SYNE3: variants seen among roughly 807,000 people sequenced by gnomAD.
The protein encoded by SYNE3 is nesprin-3.
In SYNE3, 100 loss-of-function variants were observed where a neutral mutation model predicts 111.2. The observed-to-expected ratio is 0.90, with a 90% CI of 0.77 to 1.06. The LOEUF is 1.06. Ranked by LOEUF, SYNE3 falls within the 50% of genes least tolerant of loss-of-function variation. The pLI, the probability that SYNE3 is intolerant of heterozygous loss-of-function variation, is 0.00. For missense variants in SYNE3, 1,160 were observed against 1,240.3 expected, an observed-to-expected ratio of 0.94 and a Z score of 0.97; for synonymous variants, 547 against 533.9, an observed-to-expected ratio of 1.02 and a Z score of -0.34.
intron 17 of SYNE3, among the ~76,000 whole-genome samples, chr14:95,428,490 C>T (rs902059076): frequency 6.6e-5 from 10 of 152,188 alleles, no homozygotes; most frequent in Non-Finnish European, 1.2e-4. Flanking sequence ...TGTCAGGTCA[C>T]ACAACATCTG....
chr14:95,476,811 G>C (rs1392812342), intron 1 of SYNE3, among the ~76,000 whole-genome samples: 4 of 152,114 alleles, frequency 2.6e-5, no homozygotes, highest in African/African-American at 4.8e-5. Context: ...GCCCAGAATG[G>C]GTATAAAGTT....
In SYNE3 at chr14:95,417,719, C is replaced by A; in HGVS notation, c.*107G>T. The A allele has an allele frequency of 8.6e-7, 1 of 1,164,622 alleles. No individual in the cohort carries two copies. Among genetic ancestry groups the A allele is most frequent in the Non-Finnish European group, 1.3e-6 (1 of 775,602 alleles). The allele number at this position is 1,164,622 out of a possible 1,614,324, so 72.1% of individuals were successfully genotyped here. A position where few individuals can be genotyped will look rare whatever the true frequency, so the allele number is the denominator to read the frequency against. On this transcript the variant is annotated 3_prime_UTR_variant, in exon 18 of 18. Coordinates refer to ENST00000682763, the MANE Select transcript of SYNE3 (RefSeq NM_152592.6). Reference sequence around the variant, plus strand: ...CAGCACTGATATGGATGCAGCTCTGCAGTCTTTGCCCTGCCCCTGTTTCCA... The same window carrying A: ...CAGCACTGATATGGATGCAGCTCTGAAGTCTTTGCCCTGCCCCTGTTTCCA...
Position 95,410,125 on chromosome 14 carries a change from C to T in SYNE3, c.*7701G>A, listed in dbSNP as rs1044729417. On this transcript the variant is annotated 3_prime_UTR_variant, in exon 18 of 18. Coordinates refer to ENST00000682763, the MANE Select transcript of SYNE3 (RefSeq NM_152592.6). ...CTGGGCAGATCTATTTGTCGGTTCC[C>T]AAGCCTTGCAGGAAGAATGTCTACA... is the stretch of plus-strand genomic sequence containing the variant. 1.6e-4 allele frequency: 24 copies of T among 152,788 alleles called. No individual in the cohort carries two copies. The highest frequency in any genetic ancestry group is 5.3e-4 in the African/African-American group (22 of 41,456). The allele number at this position is 152,788 out of a possible 1,614,324, so 9.5% of individuals were successfully genotyped here.
At chr14:95,420,737 C>T (rs1424809746) in intron 17 of SYNE3, among the ~76,000 whole-genome samples, 2 of 151,192 alleles carry the variant, frequency 1.3e-5, no homozygotes, top group Non-Finnish European at 2.9e-5. Context: ...CATACACACA[C>T]ACACAGACAC....
intron 1 of SYNE3, among the ~76,000 whole-genome samples, chr14:95,508,988 C>A (rs922531291): frequency 6.6e-6 from 1 of 152,218 alleles, no homozygotes; most frequent in Non-Finnish European, 1.5e-5. Context: ...TATTTTAAAG[C>A]CTTTTAATTT....
chr14:95,459,633 C>G, intron 4 of SYNE3, among the ~76,000 whole-genome samples: 1 of 152,130 alleles, frequency 6.6e-6, no homozygotes. Flanking sequence ...TCTGAAAAAC[C>G]CCTTAGCTCT....
intron 1 of SYNE3, among the ~76,000 whole-genome samples, chr14:95,492,170 C>T (rs1176547073): frequency 6.6e-6 from 1 of 152,196 alleles, no homozygotes; most frequent in East Asian, 1.9e-4. Flanking sequence ...TTATATGCTG[C>T]TGGTAGAAAC....
chr14:95,420,043 T>C (rs1030176167), intron 17 of SYNE3, among the ~76,000 whole-genome samples: 3 of 149,844 alleles, frequency 2.0e-5, no homozygotes, highest in African/African-American at 4.9e-5. Context: ...GCTCCAAGTA[T>C]CCCCTCCAGA....
chr14:95,418,348 C>A (rs1161219213), intron 17 of SYNE3, among the ~76,000 whole-genome samples: 1 of 152,116 alleles, frequency 6.6e-6, no homozygotes, highest in Non-Finnish European at 1.5e-5. Flanking sequence ...TTCTCTGAAT[C>A]TCTAGTTTCT....
intron 2 of SYNE3, among the ~76,000 whole-genome samples, chr14:95,468,557 G>A (rs956084635): frequency 6.6e-6 from 1 of 152,086 alleles, no homozygotes; most frequent in Non-Finnish European, 1.5e-5. Context: ...GAGATGCTGA[G>A]TGAGTGACTG....
intron 10 of SYNE3, 67 bp downstream of exon 10, chr14:95,444,418 G>A: frequency 7.2e-6 from 11 of 1,521,522 alleles, no homozygotes; most frequent in Non-Finnish European, 9.7e-6. Context: ...CTGCTAGAGG[G>A]AGACGCTGCT....
chr14:95,449,726 C>T, intron 8 of SYNE3: 1 of 976,316 alleles, frequency 1.0e-6, no homozygotes, highest in Non-Finnish European at 1.2e-6. Flanking sequence ...CGGGTTAACC[C>T]CCAGGAGCCG....
intron 1 of SYNE3, among the ~76,000 whole-genome samples, chr14:95,478,395 G>C (rs188447997): frequency 6.6e-6 from 1 of 152,186 alleles, no homozygotes; most frequent in African/African-American, 2.4e-5. Flanking sequence ...GAGGTTGTGG[G>C]TTGAGAGGGT....
chr14:95,442,006 C>T (rs748487005), intron 11 of SYNE3, among the ~76,000 whole-genome samples: 2 of 152,236 alleles, frequency 1.3e-5, no homozygotes, highest in Non-Finnish European at 2.9e-5. Context: ...AGTAAAAAAC[C>T]TGCTTGGCAT....
rs753328598 is a variant in SYNE3 at position 95,455,412 on chromosome 14, C to T, written c.1102G>A (p.Glu368Lys). ...CTCCAGTGTGCCACCAGCTCGTCCT[C>T]GGTCCCCGCTTTCGCCGCAGGCTGC... ...GLQPAAKAGTEDELVAHWRRY... is the reference protein window; with the variant it reads ...GLQPAAKAGTKDELVAHWRRY... The change falls in exon 6 of 18, where the codon GAG becomes AAG. Residue 368 changes from glutamate (E) to lysine (K), a missense_variant. Coordinates refer to ENST00000682763, the MANE Select transcript of SYNE3 (RefSeq NM_152592.6). The T allele has an allele frequency of 1.2e-5, 19 of 1,563,564 alleles. No homozygotes were observed. Among genetic ancestry groups the T allele is most frequent in the African/African-American group, 2.7e-5 (2 of 73,080 alleles).
In SYNE3 at chr14:95,436,885, C is replaced by A; in HGVS notation, c.2473G>T (p.Val825Phe). The change falls in exon 15 of 18, where the codon GTT (valine) becomes TTT (phenylalanine). Residue 825 changes from valine to phenylalanine, a missense_variant. By Grantham distance (50) the Val-to-Phe change is conservative. Coordinates refer to ENST00000682763, the MANE Select transcript of SYNE3 (RefSeq NM_152592.6). ...GAAGTTCTCATTGCGATGATTCTAA[C>A]CAGCTTGGAGTTTTCCACCTGCAAC... The part of the protein sequence containing the change: ...QWLQVENSKL[V>F]RIIAMRTSTA... The A allele has an allele frequency of 1.9e-6, 3 of 1,614,180 alleles. No homozygotes were observed. In the South Asian group the frequency reaches 3.3e-5, roughly 18 times the overall value.
At chr14:95,420,189 G>A (rs905615194) in intron 17 of SYNE3, among the ~76,000 whole-genome samples, 18 of 151,730 alleles carry the variant, frequency 1.2e-4, no homozygotes, top group South Asian at 6.3e-4. Context: ...CAGTGACTTC[G>A]GGAGTGGAGG....
chr14:95,440,389 G>A (rs931206407), intron 11 of SYNE3, among the ~76,000 whole-genome samples: 7 of 152,234 alleles, frequency 4.6e-5, no homozygotes, highest in East Asian at 1.9e-4. Flanking sequence ...TGGAAACCAC[G>A]GGTCAGAATC....
intron 1 of SYNE3, among the ~76,000 whole-genome samples, chr14:95,501,588 A>T (rs1890337586): frequency 6.6e-6 from 1 of 152,136 alleles, no homozygotes; most frequent in African/African-American, 2.4e-5. Context: ...GAGCTCAGTG[A>T]GGTTTGGTTC....
Sources: gnomAD v4.1 joint callset for allele counts (sites outside exome capture counted in the v4.1 genomes callset) on GRCh38, gnomAD v4.1.1 for gene constraint, MANE v1.5 for transcripts, NCBI Gene and HGNC (gene_info 2026-07-23, HGNC 2026-07-21) for gene names.